DENND1A: variants seen among roughly 807,000 people sequenced by gnomAD.
The protein encoded by DENND1A is DENN domain containing 1A.
DENND1A carries 51 observed loss-of-function variants against 113.7 expected under a neutral mutation model. The ratio of observed to expected loss-of-function variants is 0.45; its 90% CI spans 0.36 to 0.57. DENND1A has a LOEUF of 0.57. Among genes scored for constraint, DENND1A ranks in the 20% least tolerant of loss-of-function variants. DENND1A has a pLI of 0.00. For synonymous variants in DENND1A, 565 were observed against 570.8 expected (o/e 0.99, Z 0.14); for missense variants, 1,258 against 1,395.9 (o/e 0.90, Z 1.57).
intron 13 of DENND1A, among the ~76,000 whole-genome samples, chr9:123,557,057 T>G (rs1010442728): frequency 6.6e-6 from 1 of 152,192 alleles, no homozygotes; most frequent in Non-Finnish European, 1.5e-5. Context: ...TCAGGAGCCA[T>G]GAGGCGTGAG....
intron 12 of DENND1A, among the ~76,000 whole-genome samples, chr9:123,562,951 G>C (rs542772865): frequency 6.6e-6 from 1 of 152,302 alleles, no homozygotes; most frequent in African/African-American, 2.4e-5. Context: ...TCTGCCAAAT[G>C]AAAGAACGAA....
chr9:123,841,049 C>T (rs1309329680), intron 2 of DENND1A, among the ~76,000 whole-genome samples: 1 of 152,138 alleles, frequency 6.6e-6, no homozygotes, highest in Non-Finnish European at 1.5e-5. Flanking sequence ...ATCACCTTTA[C>T]TTAAATATAT....
chr9:123,793,946 C>G (rs538811890), intron 2 of DENND1A, among the ~76,000 whole-genome samples: 1 of 152,312 alleles, frequency 6.6e-6, no homozygotes, highest in South Asian at 2.1e-4. Flanking sequence ...GACTTAAAAG[C>G]TGGGAATCAA....
In DENND1A at chr9:123,490,606, C is replaced by A. The variant is rs547654255; in HGVS notation, c.994-32709G>T. ...TCCATCTAAAAATAAAACAAAAAAACAAAAACAAAAACAAACCAGGAATAT... is the reference window on the plus strand; with the variant it reads ...TCCATCTAAAAATAAAACAAAAAAAAAAAAACAAAAACAAACCAGGAATAT... On this transcript the variant is annotated intron_variant, in intron 13 of 23. Transcript: ENST00000394215. 2.7e-4 allele frequency among the ~76,000 whole-genome samples: 41 copies of A among 151,246 alleles called. No individual in the cohort carries two copies. The South Asian group carries it at 7.9e-3, about 29-fold the overall frequency.
At chr9:123,851,335 A>C (rs1843327321) in intron 2 of DENND1A, among the ~76,000 whole-genome samples, 1 of 152,194 alleles carries the variant, frequency 6.6e-6, no homozygotes, top group African/African-American at 2.4e-5. Context: ...GTTGAGATCC[A>C]TCCATGTTGT....
intron 13 of DENND1A, among the ~76,000 whole-genome samples, chr9:123,469,113 TCTGGCTGGG>T (rs2049188097): frequency 6.6e-6 from 1 of 152,192 alleles, no homozygotes; most frequent in Admixed American, 6.5e-5. Flanking sequence ...GTCAGATGAC[TCTGGCTGGG>T]CTGGGTGGGG....
chr9:123,523,091 G>A (rs1263978777), intron 13 of DENND1A, among the ~76,000 whole-genome samples: 2 of 152,158 alleles, frequency 1.3e-5, no homozygotes, highest in African/African-American at 4.8e-5. Flanking sequence ...GACCACAATT[G>A]GTAACATACT....
intron 8 of DENND1A, among the ~76,000 whole-genome samples, chr9:123,661,003 C>A (rs1293054951): frequency 1.3e-5 from 2 of 152,174 alleles, no homozygotes; most frequent in Non-Finnish European, 2.9e-5. Context: ...TAAAACAGCC[C>A]CATTCAACAA....
chr9:123,494,655 A>G (rs1287690153), intron 13 of DENND1A, among the ~76,000 whole-genome samples: 1 of 152,122 alleles, frequency 6.6e-6, no homozygotes, highest in Admixed American at 6.5e-5. Context: ...TGATGATCCC[A>G]TTTCCTGGCC....
At chr9:123,744,767 GCT>G (rs202145072) in intron 5 of DENND1A, among the ~76,000 whole-genome samples, 3 of 134,520 alleles carry the variant, frequency 2.2e-5, no homozygotes, top group Admixed American at 7.3e-5. Context: ...ACTTATATTA[GCT>G]CTTTTTTTTT....
At chr9:123,398,796 A>AT (rs921037252) in intron 21 of DENND1A, among the ~76,000 whole-genome samples, 18,271 of 135,904 alleles carry the variant, frequency 0.13, 1,182 homozygotes, top group Admixed American at 0.19. Context: ...ACCACACAGC[A>AT]TTTTTTTTTT....
chr9:123,574,626 A>G lies in DENND1A; in HGVS notation c.867+8543T>C, dbSNP rs2058536317. 2.0e-5 allele frequency among the ~76,000 whole-genome samples: 3 copies of G among 152,202 alleles called. No homozygotes were observed. In the South Asian group the frequency reaches 6.2e-4, roughly 32 times the overall value. ...TACCCAGTTTCAGTTTCCCCTAAAC[A>G]GGGGTGTTAAAGGGAGAGAATGCAG... On this transcript the variant is annotated intron_variant, in intron 12 of 23. Coordinates refer to ENST00000394215, the MANE Select transcript of DENND1A (RefSeq NM_001352964.2).
intron 13 of DENND1A, among the ~76,000 whole-genome samples, chr9:123,518,239 C>T (rs1185260311): frequency 2.0e-5 from 3 of 152,074 alleles, no homozygotes; most frequent in Non-Finnish European, 4.4e-5. Flanking sequence ...AATGTTTCCT[C>T]GACATCATTA....
intron 4 of DENND1A, among the ~76,000 whole-genome samples, chr9:123,760,909 T>A (rs2070982874): frequency 6.6e-6 from 1 of 152,204 alleles, no homozygotes; most frequent in Admixed American, 6.5e-5. Context: ...GAAACACTAC[T>A]ACGTGATCAT....
rs372951632 is a variant in DENND1A, at chr9:123,382,440, G to A, written c.2205C>T (p.Pro735=). The A allele has an allele frequency of 8.7e-6, 14 of 1,611,082 alleles. No homozygotes were observed. Among genetic ancestry groups the A allele is most frequent in the Non-Finnish European group, 1.2e-5 (14 of 1,178,530 alleles). The change falls in exon 24 of 24, where the codon CCC becomes CCT. Residue 735 remains proline (P), a synonymous_variant. Coordinates refer to ENST00000394215, the MANE Select transcript of DENND1A (RefSeq NM_001352964.2). ...LGNSLALPRR[P]QNRDSILNPS... Reference sequence around the variant, plus strand: ...GGTTCAGGATGCTGTCCCGGTTCTGGGGCCTTCGAGGCAGGGCCAGGGAGT... The same window carrying A: ...GGTTCAGGATGCTGTCCCGGTTCTGAGGCCTTCGAGGCAGGGCCAGGGAGT...
chr9:123,825,355 G>A (rs544520198), intron 2 of DENND1A, among the ~76,000 whole-genome samples: 28 of 151,088 alleles, frequency 1.9e-4, no homozygotes, highest in Non-Finnish European at 2.7e-4. Context: ...GAAGAAAAGC[G>A]CAACTACTGC....
chr9:123,729,918 C>A (rs545211781), intron 5 of DENND1A, among the ~76,000 whole-genome samples: 1 of 152,228 alleles, frequency 6.6e-6, no homozygotes, highest in African/African-American at 2.4e-5. Context: ...GATATATAGA[C>A]CAAGGGAACA....
intron 19 of DENND1A, among the ~76,000 whole-genome samples, chr9:123,434,439 A>G (rs2046367901): frequency 6.6e-6 from 1 of 152,240 alleles, no homozygotes; most frequent in South Asian, 2.1e-4. Flanking sequence ...TAGCAACAGA[A>G]ATGAAACCAA....
At chr9:123,762,726 G>C (rs1824123551) in intron 4 of DENND1A, among the ~76,000 whole-genome samples, 1 of 152,196 alleles carries the variant, frequency 6.6e-6, no homozygotes. Context: ...TGTAATAGTG[G>C]TATTACAAAA....
Sources: gnomAD v4.1 joint callset for allele counts (sites outside exome capture counted in the v4.1 genomes callset) on GRCh38, gnomAD v4.1.1 for gene constraint, MANE v1.5 for transcripts, NCBI Gene and HGNC (gene_info 2026-07-23, HGNC 2026-07-21) for gene names.